ERG: variants seen among roughly 807,000 people sequenced by gnomAD.
ERG encodes transcriptional regulator ERG.
Under a neutral mutation model 55.3 loss-of-function variants are expected in ERG, and 9 were observed. The ratio of observed to expected loss-of-function variants is 0.16; its 90% CI spans 0.10 to 0.28. ERG has a LOEUF of 0.28. Among genes scored for constraint, ERG ranks in the 10% least tolerant of loss-of-function variants. The pLI, the probability that ERG is intolerant of heterozygous loss-of-function variation, is 1.00. For missense variants in ERG, 434 were observed against 631.6 expected, an observed-to-expected ratio of 0.69 and a Z score of 3.35; for synonymous variants, 223 against 237.3, an observed-to-expected ratio of 0.94 and a Z score of 0.55.
At chr21:38,635,981 T>C (rs1230865832) in intron 1 of ERG, among the ~76,000 whole-genome samples, 1 of 152,230 alleles carries the variant, frequency 6.6e-6, no homozygotes, top group African/African-American at 2.4e-5. Flanking sequence ...AATCTCATAT[T>C]GAATTGTAGT....
chr21:38,408,819 A>C (rs975288991), intron 3 of ERG, among the ~76,000 whole-genome samples: 4 of 152,120 alleles, frequency 2.6e-5, no homozygotes, highest in Non-Finnish European at 4.4e-5. Context: ...TGTAGGAGGA[A>C]GGGGAGGGGA....
intron 6 of ERG, chr21:38,400,028 T>G (rs1988412200): frequency 3.9e-6 from 1 of 257,752 alleles, no homozygotes. Context: ...ATTCCCAGAG[T>G]CTAACACCAC....
At chr21:38,369,776 A>G in the ERG span, among the ~76,000 whole-genome samples, 1 of 152,150 alleles carries the variant, frequency 6.6e-6, no homozygotes, top group Non-Finnish European at 1.5e-5. Context: ...TCTTTAATCC[A>G]TCTTGCTTTA....
At chr21:38,407,648 A>ATATATATC (rs751562456) in intron 3 of ERG, among the ~76,000 whole-genome samples, 2 of 146,598 alleles carry the variant, frequency 1.4e-5, no homozygotes, top group Non-Finnish European at 3.0e-5. Context: ...ATATATATTT[A>ATATATATC]ATGTATATTA....
chr21:38,421,647 T>C (rs1037839381), intron 3 of ERG, among the ~76,000 whole-genome samples: 1 of 152,126 alleles, frequency 6.6e-6, no homozygotes, highest in African/African-American at 2.4e-5. Context: ...ATTTCACCCA[T>C]GCATGCCCTT....
intron 2 of ERG, among the ~76,000 whole-genome samples, chr21:38,551,636 A>G (rs1358164892): frequency 6.6e-6 from 1 of 152,108 alleles, no homozygotes; most frequent in Non-Finnish European, 1.5e-5. Context: ...AGGTTGTTCA[A>G]TTTCCATGAT....
intron 1 of ERG, among the ~76,000 whole-genome samples, chr21:38,494,507 C>T (rs538109308): frequency 3.3e-5 from 5 of 152,294 alleles, no homozygotes; most frequent in African/African-American, 1.2e-4. Context: ...TTCTAAAGTT[C>T]TAAATGTATC....
In ERG at chr21:38,383,604, T is replaced by C. The variant is rs1241798209; in HGVS notation, c.1239A>G (p.Ser413=). 4 of 1,613,434 alleles carry C rather than the reference T, an allele frequency of 2.5e-6. No individual in the cohort carries two copies. The highest frequency in any genetic ancestry group is 3.4e-6 in the Non-Finnish European group (4 of 1,179,712). ...PPESSLYKYP[S]DLPYMGSYHA... ...GATAGGAGCCCATGTACGGGAGGTC[T>C]GAGGGGTACTTGTACAGAGATGACT... Residue 413 remains serine, a synonymous_variant, in exon 10 of 10, where the codon TCA becomes TCG. Coordinates refer to ENST00000288319, the MANE Select transcript of ERG (RefSeq NM_182918.4). The surrounding 1 kb of genome is among the most constrained non-coding windows in gnomAD (Gnocchi z 5.7).
intron 2 of ERG, among the ~76,000 whole-genome samples, chr21:38,443,289 T>C (rs2836400): frequency 0.46 from 69,205 of 152,036 alleles, 16,574 homozygotes; most frequent in East Asian, 0.64. Context: ...CTGTTGTCCA[T>C]CGGAAATCAT....
At chr21:38,627,001 A>T (rs1241607951) in intron 1 of ERG, among the ~76,000 whole-genome samples, 2 of 152,220 alleles carry the variant, frequency 1.3e-5, no homozygotes, top group Non-Finnish European at 2.9e-5. Context: ...AGTGCTAAAA[A>T]CACTGTAGGT....
chr21:38,378,713 A>G (rs1569048694), downstream of ERG, among the ~76,000 whole-genome samples: 1 of 152,324 alleles, frequency 6.6e-6, no homozygotes, highest in African/African-American at 2.4e-5. Context: ...AGTCTAATGT[A>G]TAACAAATAA....
At chr21:38,423,084 A>AGT (rs71184624) in intron 3 of ERG, among the ~76,000 whole-genome samples, 20,308 of 144,296 alleles carry the variant, frequency 0.14, 1,471 homozygotes, top group South Asian at 0.21. Context: ...CTCCATACGT[A>AGT]GTGTGTGTGT....
At chr21:38,536,679 A>AAG (rs1555854486) in intron 2 of ERG, among the ~76,000 whole-genome samples, 1 of 152,192 alleles carries the variant, frequency 6.6e-6, no homozygotes, top group Non-Finnish European at 1.5e-5. Context: ...AAACAAGACA[A>AAG]TGGAAGTCTG....
At chr21:38,492,593 T>A (rs540089115) in intron 1 of ERG, among the ~76,000 whole-genome samples, 5 of 152,304 alleles carry the variant, frequency 3.3e-5, no homozygotes, top group Admixed American at 3.3e-4. Flanking sequence ...GGATAAGATA[T>A]CACTAAAAAC....
chr21:38,603,066 C>G (rs1049498987), intron 1 of ERG, among the ~76,000 whole-genome samples: 12 of 151,816 alleles, frequency 7.9e-5, no homozygotes, highest in Non-Finnish European at 1.3e-4. Context: ...TCCTGTCCAG[C>G]CCCCAGGTAC....
chr21:38,373,873 T>TAA, the ERG span, among the ~76,000 whole-genome samples: 3 of 150,222 alleles, frequency 2.0e-5, no homozygotes, highest in Non-Finnish European at 3.0e-5. Context: ...AAGCTCTTTG[T>TAA]AAACTATTTT....
chr21:38,462,715 G>T (rs1299431319), intron 1 of ERG, among the ~76,000 whole-genome samples: 1 of 152,062 alleles, frequency 6.6e-6, no homozygotes, highest in East Asian at 1.9e-4. Flanking sequence ...TCGGGGGTTG[G>T]CATTTTTGTG....
At chr21:38,440,819 C>T (rs1425325635) in intron 2 of ERG, among the ~76,000 whole-genome samples, 1 of 144,644 alleles carries the variant, frequency 6.9e-6, no homozygotes, top group Non-Finnish European at 1.5e-5. Flanking sequence ...AAAAAGCCCA[C>T]AGTGAGTCAG....
At chr21:38,546,913 A>T (rs188578555) in intron 2 of ERG, among the ~76,000 whole-genome samples, 1 of 152,270 alleles carries the variant, frequency 6.6e-6, no homozygotes, top group East Asian at 1.9e-4. Flanking sequence ...TAATCCAACT[A>T]TCCCTGGTGG....
Sources: gnomAD v4.1 joint callset for allele counts (sites outside exome capture counted in the v4.1 genomes callset) on GRCh38, gnomAD v4.1.1 for gene constraint, Gnocchi (gnomAD v3.1) non-coding constraint, MANE v1.5 for transcripts, NCBI Gene and HGNC (gene_info 2026-07-23, HGNC 2026-07-21) for gene names.